ZNF624: variants seen among roughly 807,000 people sequenced by gnomAD.
ZNF624 encodes zinc finger protein 624.
A neutral mutation model predicts 74.7 loss-of-function variants in ZNF624; 43 were observed. That is an observed-to-expected ratio of 0.58 (90% CI 0.45 to 0.74). The LOEUF (loss-of-function observed/expected upper bound fraction) is 0.74, where lower values mean the gene tolerates loss of function less well. ZNF624 is among the 30% of genes least tolerant of loss of function. ZNF624 has a pLI of 0.00. For missense variants in ZNF624, 820 were observed against 1,030.0 expected, an observed-to-expected ratio of 0.80 and a Z score of 2.79; for synonymous variants, 331 against 341.3, an observed-to-expected ratio of 0.97 and a Z score of 0.33.
At chr17:16,644,428 C>A (rs1909539176) in intron 3 of ZNF624, among the ~76,000 whole-genome samples, 1 of 152,234 alleles carries the variant, frequency 6.6e-6, no homozygotes, top group Admixed American at 6.5e-5. Context: ...AAAGAGTACC[C>A]ATTTATTTCA....
rs1225867517 is a variant in ZNF624 at position 16,624,327 on chromosome 17, T to A, written c.559A>T (p.Ser187Cys). 2 of 1,613,520 alleles carry A rather than the reference T, an allele frequency of 1.2e-6. No homozygotes were observed. The highest frequency in any genetic ancestry group is 1.7e-6 in the Non-Finnish European group (2 of 1,179,870). The change falls in exon 6 of 6, where the codon AGT (serine) becomes TGT (cysteine). Residue 187 changes from serine to cysteine, a missense_variant. Coordinates refer to ENST00000311331, the MANE Select transcript of ZNF624 (RefSeq NM_020787.4). ...RLQNNQENHL[S>C]QRIIPLKKTP... ...TTCTTGAGTGGAATTATTCTTTGAC[T>A]CAAATGATTCTCCTGATTATTTTGT...
In ZNF624 at chr17:16,624,523, G is replaced by C; in HGVS notation, c.377-14C>G. On this transcript the variant is annotated splice_polypyrimidine_tract_variant and intron_variant, in intron 5 of 5. Coordinates refer to ENST00000311331, the MANE Select transcript of ZNF624 (RefSeq NM_020787.4). Reference sequence around the variant, plus strand: ...TGGGCTCCATGTCTGGGGCAAAAAAGAGAAAAATCAAGTAATTCCTTTCCT... The same window carrying C: ...TGGGCTCCATGTCTGGGGCAAAAAACAGAAAAATCAAGTAATTCCTTTCCT... 2 of 1,540,932 alleles carry C rather than the reference G, an allele frequency of 1.3e-6. No homozygotes were observed. Among genetic ancestry groups the C allele is most frequent in the South Asian group, 1.3e-5 (1 of 77,208 alleles).
intron 3 of ZNF624, among the ~76,000 whole-genome samples, chr17:16,645,991 A>AAATC (rs1319144987): frequency 6.6e-6 from 1 of 151,772 alleles, no homozygotes; most frequent in East Asian, 1.9e-4. Context: ...AGTTATAAGA[A>AAATC]AATCAAGCAA....
In ZNF624 at chr17:16,642,107, A is replaced by T. The variant is rs530087048; in HGVS notation, c.153+5222T>A. Among the ~76,000 whole-genome samples, 138 of 152,300 alleles carry T rather than the reference A, an allele frequency of 9.1e-4. 1 individual carries two copies. The highest frequency in any genetic ancestry group is 3.2e-3 in the African/African-American group (134 of 41,562). ...AATTGATCAACAGATTCAACATAAG[A>T]CTTATAAAAATTCCATCTGGCTTTT... On this transcript the variant is annotated intron_variant, in intron 3 of 5. Coordinates refer to ENST00000311331, the MANE Select transcript of ZNF624 (RefSeq NM_020787.4).
rs1908989854 is a variant in ZNF624 at position 16,623,760 on chromosome 17, T to G, written c.1126A>C (p.Asn376His). ...GKSFSQCARL[N>H]QHQRIQTGEK... ...CCAGTTTGAATTCTCTGGTGCTGATTAAGACGGGCACACTGGCTAAAAGAT... is the reference window on the plus strand; with the variant it reads ...CCAGTTTGAATTCTCTGGTGCTGATGAAGACGGGCACACTGGCTAAAAGAT... The change falls in exon 6 of 6, where the codon AAT becomes CAT. Residue 376 changes from asparagine (N) to histidine (H), a missense_variant. By Grantham distance (68) the Asn-to-His change is moderately conservative (BLOSUM62 1). Coordinates refer to ENST00000311331, the MANE Select transcript of ZNF624 (RefSeq NM_020787.4). This position sits in a 1 kb window ranked among gnomAD's most constrained non-coding sequence, Gnocchi z 5.3. 6.2e-7 allele frequency: 1 copy of G among 1,613,958 alleles called. No homozygotes were observed. The highest frequency in any genetic ancestry group is 8.5e-7 in the Non-Finnish European group (1 of 1,180,026).
At chr17:16,620,261 C>G (rs937843242), downstream of ZNF624, among the ~76,000 whole-genome samples, 2 of 152,194 alleles carry the variant, frequency 1.3e-5, no homozygotes, top group East Asian at 3.9e-4. Context: ...TACTCTAGGC[C>G]CCTCCTAGCA....
chr17:16,623,623 A>C lies in ZNF624; in HGVS notation c.1263T>G (p.Cys421Trp), dbSNP rs777810293. The change falls in exon 6 of 6, where the codon TGT becomes TGG. Residue 421 changes from cysteine (C) to tryptophan (W), a missense_variant. Cys to Trp is a radical substitution (Grantham distance 215). Coordinates refer to ENST00000311331, the MANE Select transcript of ZNF624 (RefSeq NM_020787.4). This position sits in a 1 kb window ranked among gnomAD's most constrained non-coding sequence, Gnocchi z 5.3. ...ATGACTTGTTCCTAAAGGCTTTCCC[A>C]CAATCATCACATTTGTAGGGTTTCT... ...NGEKPYKCDD[C>W]GKAFRNKSYL... 1 of 1,610,860 alleles carries C rather than the reference A, an allele frequency of 6.2e-7. No individual in the cohort carries two copies.
Position 16,634,762 on chromosome 17 carries a change from A to G in ZNF624, c.154-6T>C. On this transcript the variant is annotated splice_polypyrimidine_tract_variant and splice_region_variant and intron_variant, in intron 3 of 5. Transcript: ENST00000311331. ...TCCTTAAATGTCACCGATTCCTAAA[A>G]CAATTACATTGTGATCACTTAGAAA... 6.2e-7 allele frequency: 1 copy of G among 1,609,484 alleles called. No homozygotes were observed. Among genetic ancestry groups the G allele is most frequent in the East Asian group, 2.2e-5 (1 of 44,844 alleles).
At chr17:16,653,263 G>C (rs1382283149) in intron 1 of ZNF624, among the ~76,000 whole-genome samples, 2 of 152,248 alleles carry the variant, frequency 1.3e-5, no homozygotes, top group East Asian at 3.8e-4. Flanking sequence ...GAGTAGCGCA[G>C]GTCCCCCGAT....
chr17:16,618,573 T>A (rs888508939), downstream of ZNF624, among the ~76,000 whole-genome samples: 3 of 152,024 alleles, frequency 2.0e-5, no homozygotes, highest in Admixed American at 2.0e-4. Flanking sequence ...AAGAACAAAA[T>A]TAGAAAACAT....
At chr17:16,625,945 ATT>A (rs370838248) in intron 5 of ZNF624, among the ~76,000 whole-genome samples, 21 of 144,800 alleles carry the variant, frequency 1.5e-4, no homozygotes, top group African/African-American at 3.5e-4. Context: ...TGGTTTTATG[ATT>A]TTTTTTTTTT....
intron 3 of ZNF624, among the ~76,000 whole-genome samples, chr17:16,641,899 T>C (rs78185930): frequency 6.6e-6 from 1 of 152,186 alleles, no homozygotes; most frequent in Non-Finnish European, 1.5e-5. Context: ...AAAAAATTCA[T>C]TTATAATAGC....
intron 3 of ZNF624, among the ~76,000 whole-genome samples, chr17:16,641,703 T>C (rs1909471474): frequency 1.3e-5 from 2 of 152,242 alleles, no homozygotes; most frequent in Admixed American, 6.5e-5. Flanking sequence ...TTGCAAATGA[T>C]ATAATCTCTC....
chr17:16,623,323 A>G lies in ZNF624; in HGVS notation c.1563T>C (p.Ile521=). ...ATTTATAGGGTTTTTCTCCTGTGTG[A>G]ATTCGCTGATGTTCTGTGAAATTTG... The part of the protein sequence containing the change: ...RIANFTEHQR[I]HTGEKPYKCN... The change falls in exon 6 of 6, where the codon ATT becomes ATC. Residue 521 remains isoleucine (I), a synonymous_variant. Coordinates refer to ENST00000311331, the MANE Select transcript of ZNF624 (RefSeq NM_020787.4). This position sits in a 1 kb window ranked among gnomAD's most constrained non-coding sequence, Gnocchi z 5.3. 1 of 1,613,556 alleles carries G rather than the reference A, an allele frequency of 6.2e-7. No homozygotes were observed. Among genetic ancestry groups the G allele is most frequent in the Non-Finnish European group, 8.5e-7 (1 of 1,179,662 alleles).
At chr17:16,642,405 A>C (rs1310584713) in intron 3 of ZNF624, among the ~76,000 whole-genome samples, 1 of 152,208 alleles carries the variant, frequency 6.6e-6, no homozygotes, top group Admixed American at 6.5e-5. Flanking sequence ...TAAGGGTACT[A>C]AGACAATGAG....
intron 1 of ZNF624, among the ~76,000 whole-genome samples, chr17:16,652,849 C>G (rs1345154936): frequency 6.6e-6 from 1 of 152,242 alleles, no homozygotes; most frequent in Non-Finnish European, 1.5e-5. Flanking sequence ...TACCGTAAAA[C>G]TGTGACCACA....
chr17:16,650,179 C>T (rs888812886), intron 1 of ZNF624, among the ~76,000 whole-genome samples: 2 of 152,128 alleles, frequency 1.3e-5, no homozygotes, highest in African/African-American at 2.4e-5. Context: ...TCTTTCTTTG[C>T]CACAATCACT....
At chr17:16,649,092 A>G (rs1198057799) in intron 2 of ZNF624, among the ~76,000 whole-genome samples, 2 of 152,210 alleles carry the variant, frequency 1.3e-5, no homozygotes, top group Non-Finnish European at 2.9e-5. Flanking sequence ...CTGTTCACCC[A>G]AATAATGTAA....
At position 16,622,389 on chromosome 17, in the gene ZNF624, C is replaced by A. The variant is rs745816526; in HGVS notation, c.2497G>T (p.Glu833Ter). ...FTVHLRMHTGEKPYKCNECGK... is the reference protein window; with the variant it reads ...FTVHLRMHTG ...CATTCATTACATTTATAGGGTTTTT[C>A]TCCAGTATGCATCCTCAAGTGTACA... Residue 833 changes from glutamate (E) to a stop codon, truncating the protein, a stop_gained, in exon 6 of 6, where the codon GAA becomes TAA. Coordinates refer to ENST00000311331, the MANE Select transcript of ZNF624 (RefSeq NM_020787.4). LOFTEE classifies it high-confidence loss of function. The A allele has an allele frequency of 1.4e-5, 23 of 1,613,852 alleles. No homozygotes were observed. In the South Asian group the frequency reaches 2.4e-4, roughly 17 times the overall value.
Sources: gnomAD v4.1 joint callset for allele counts (sites outside exome capture counted in the v4.1 genomes callset) on GRCh38, gnomAD v4.1.1 for gene constraint, Gnocchi (gnomAD v3.1) non-coding constraint, MANE v1.5 for transcripts, NCBI Gene and HGNC (gene_info 2026-07-23, HGNC 2026-07-21) for gene names.